NEBL: variants seen among roughly 807,000 people sequenced by gnomAD.
NEBL encodes the protein nebulette.
A neutral mutation model predicts 140.2 loss-of-function variants in NEBL; 122 were observed. The observed-to-expected ratio is 0.87, with a 90% CI of 0.75 to 1.01. The LOEUF (loss-of-function observed/expected upper bound fraction) is 1.01, where lower values mean the gene tolerates loss of function less well. Ranked by LOEUF, NEBL falls within the 50% of genes least tolerant of loss-of-function variation. The pLI, the probability that NEBL is intolerant of heterozygous loss-of-function variation, is 0.00. For missense variants in NEBL, 1,365 were observed against 1,231.3 expected, an observed-to-expected ratio of 1.11 and a Z score of -1.62; for synonymous variants, 436 against 398.9, an observed-to-expected ratio of 1.09 and a Z score of -1.11.
At chr10:21,071,452 T>G (rs761980157) in intron 2 of NEBL, among the ~76,000 whole-genome samples, 2 of 152,134 alleles carry the variant, frequency 1.3e-5, no homozygotes, top group Admixed American at 6.5e-5. Context: ...CTCTGGACCA[T>G]AAAGCAATTT....
intron 19 of NEBL, among the ~76,000 whole-genome samples, chr10:20,820,135 A>G (rs143700899): frequency 6.6e-6 from 1 of 152,294 alleles, no homozygotes; most frequent in East Asian, 1.9e-4. Context: ...CTGTACCTGA[A>G]CTTTAGTGAT....
intron 2 of NEBL, chr10:21,171,837 A>G (rs767166471): frequency 7.0e-5 from 12 of 170,366 alleles, no homozygotes; most frequent in Non-Finnish European, 1.4e-4. Flanking sequence ...TCGGTCTACT[A>G]CAAACGACCT....
intron 24 of NEBL, 72 bp downstream of exon 24, chr10:20,812,697 G>A (rs2130786370): frequency 6.4e-7 from 1 of 1,570,416 alleles, no homozygotes; most frequent in Non-Finnish European, 8.8e-7. Context: ...GACTCAAGAG[G>A]GTAATTCTGA....
intron 3 of NEBL, among the ~76,000 whole-genome samples, chr10:21,234,779 A>G (rs1842326517): frequency 6.6e-6 from 1 of 152,036 alleles, no homozygotes; most frequent in Non-Finnish European, 1.5e-5. Context: ...CACAGTGGCC[A>G]CCTCCAGTTC....
intron 3 of NEBL, among the ~76,000 whole-genome samples, chr10:20,995,218 C>T (rs1454287405): frequency 6.6e-6 from 1 of 152,170 alleles, no homozygotes; most frequent in Non-Finnish European, 1.5e-5. Flanking sequence ...CCCCCAGTCT[C>T]TGAGAACAGG....
intron 4 of NEBL, among the ~76,000 whole-genome samples, chr10:20,924,321 C>T (rs1336590712): frequency 1.4e-5 from 2 of 142,348 alleles, no homozygotes; most frequent in Non-Finnish European, 3.0e-5. Flanking sequence ...CCTGTGACAA[C>T]TTACAGTACC....
At chr10:21,152,852 C>G (rs1840196521) in intron 2 of NEBL, among the ~76,000 whole-genome samples, 1 of 152,050 alleles carries the variant, frequency 6.6e-6, no homozygotes, top group Non-Finnish European at 1.5e-5. Flanking sequence ...AAAGAGTGAC[C>G]TTGAAAAAAA....
intron 23 of NEBL, 60 bp from the exon 24 acceptor site, chr10:20,813,000 T>A: frequency 7.1e-7 from 1 of 1,417,576 alleles, no homozygotes; most frequent in Non-Finnish European, 9.9e-7. Flanking sequence ...TCACAACATT[T>A]TTATTAAATG....
At chr10:20,942,014 C>G (rs999737528) in intron 4 of NEBL, among the ~76,000 whole-genome samples, 3 of 152,150 alleles carry the variant, frequency 2.0e-5, no homozygotes, top group African/African-American at 7.2e-5. Flanking sequence ...CCACACTGCC[C>G]AAGGTAATTT....
At chr10:20,854,693 T>C (rs1017765603) in intron 9 of NEBL, among the ~76,000 whole-genome samples, 41 of 150,886 alleles carry the variant, frequency 2.7e-4, no homozygotes, top group African/African-American at 1.0e-3. Flanking sequence ...GCCTCCCAAG[T>C]AGCTGGGGCT....
intron 2 of NEBL, among the ~76,000 whole-genome samples, chr10:21,060,975 T>C (rs1023735858): frequency 1.3e-5 from 2 of 152,104 alleles, no homozygotes; most frequent in Non-Finnish European, 2.9e-5. Flanking sequence ...GGTTGAACTG[T>C]GCCCCCGAGA....
At chr10:21,140,096 G>T (rs1839556655) in intron 2 of NEBL, among the ~76,000 whole-genome samples, 1 of 152,094 alleles carries the variant, frequency 6.6e-6, no homozygotes, top group Admixed American at 6.5e-5. Context: ...GGGAGGTGGA[G>T]GCTGCAGTGA....
chr10:21,250,956 C>A lies in NEBL; in HGVS notation n.279+776G>T, dbSNP rs544658521. ...GTTTCTTTTTACTAAGTAATGAAGT[C>A]CTTGTCATTTTTCATTTTTCCTTTA... On this transcript the variant is annotated intron_variant and non_coding_transcript_variant, in intron 2 of 8. Coordinates refer to the NEBL transcript ENST00000675702. 1.8e-3 allele frequency among the ~76,000 whole-genome samples: 270 copies of A among 152,200 alleles called. 2 individuals carry two copies. The highest frequency in any genetic ancestry group is 2.6e-3 in the Non-Finnish European group (180 of 68,010).
chr10:21,093,682 C>T (rs1242974141), intron 2 of NEBL, among the ~76,000 whole-genome samples: 1 of 152,234 alleles, frequency 6.6e-6, no homozygotes, highest in Non-Finnish European at 1.5e-5. Flanking sequence ...GTCTTCAGCT[C>T]ATGTATCCAC....
intron 7 of NEBL, among the ~76,000 whole-genome samples, chr10:20,861,221 A>G (rs1262491180): frequency 6.6e-6 from 1 of 152,178 alleles, no homozygotes; most frequent in African/African-American, 2.4e-5. Context: ...TCTATCACCC[A>G]GGCTGGAGTG....
intron 2 of NEBL, chr10:21,171,854 A>G (rs976318236): frequency 1.1e-5 from 2 of 177,930 alleles, no homozygotes; most frequent in Admixed American, 1.1e-4. Context: ...ACCTACTACT[A>G]ACCAGCCAGG....
At chr10:20,906,336 C>T (rs1296362912) in intron 4 of NEBL, among the ~76,000 whole-genome samples, 2 of 152,132 alleles carry the variant, frequency 1.3e-5, no homozygotes, top group East Asian at 3.9e-4. Context: ...TTCCTGAAAT[C>T]ATGATTTCAT....
intron 3 of NEBL, among the ~76,000 whole-genome samples, chr10:21,244,444 G>C (rs1160133189): frequency 2.0e-5 from 3 of 151,972 alleles, no homozygotes; most frequent in African/African-American, 4.8e-5. Flanking sequence ...CTGAGGTCAG[G>C]AGTTCAAGAC....
chr10:21,104,300 T>G (rs922477458), intron 2 of NEBL, among the ~76,000 whole-genome samples: 1 of 152,230 alleles, frequency 6.6e-6, no homozygotes, highest in African/African-American at 2.4e-5. Context: ...GAAATCATGT[T>G]AAATATATAG....
Sources: gnomAD v4.1 joint callset for allele counts (sites outside exome capture counted in the v4.1 genomes callset) on GRCh38, gnomAD v4.1.1 for gene constraint, MANE v1.5 for transcripts, NCBI Gene and HGNC (gene_info 2026-07-23, HGNC 2026-07-21) for gene names.